Variants in SLC41A2 observed in about 807,000 individuals in gnomAD.
The protein encoded by SLC41A2 is SLC41A1-like 1.
In SLC41A2, 32 loss-of-function variants were observed where a neutral mutation model predicts 58.3. That is an observed-to-expected ratio of 0.55 (90% CI 0.41 to 0.74). The LOEUF is 0.74. SLC41A2 is among the 30% of genes least tolerant of loss of function. The probability of loss-of-function intolerance (pLI) is 0.00; values close to 1 mark genes in which losing one functional copy is unlikely to be tolerated. For synonymous variants in SLC41A2, 190 were observed against 235.0 expected, an observed-to-expected ratio of 0.81 and a Z score of 1.75; for missense variants, 514 against 680.6, an observed-to-expected ratio of 0.76 and a Z score of 2.72.
intron 8 of SLC41A2, among the ~76,000 whole-genome samples, chr12:104,855,133 A>G (rs909401230): frequency 6.6e-6 from 1 of 152,180 alleles, no homozygotes; most frequent in African/African-American, 2.4e-5. Context: ...TGTCATTCTA[A>G]TTCTTTTCTT....
intron 3 of SLC41A2, among the ~76,000 whole-genome samples, chr12:104,901,666 C>T (rs1163266904): frequency 3.9e-5 from 6 of 152,172 alleles, no homozygotes; most frequent in Non-Finnish European, 7.4e-5. Context: ...CCTCCTGCCT[C>T]AGCCTCCCAA....
intron 10 of SLC41A2, among the ~76,000 whole-genome samples, chr12:104,806,633 T>A (rs1308515439): frequency 3.3e-5 from 5 of 151,700 alleles, no homozygotes; most frequent in Non-Finnish European, 7.4e-5. Context: ...CCCTGAGGAA[T>A]CGCCACACTG....
chr12:104,915,565 CTGTT>C (rs1411179702), intron 2 of SLC41A2, among the ~76,000 whole-genome samples: 5 of 152,084 alleles, frequency 3.3e-5, no homozygotes, highest in Admixed American at 2.0e-4. Context: ...ATTTGGCTCT[CTGTT>C]TGTCTGTTAT....
chr12:104,827,641 TG>T (rs1301942880), intron 10 of SLC41A2, among the ~76,000 whole-genome samples: 1 of 151,712 alleles, frequency 6.6e-6, no homozygotes, highest in East Asian at 1.9e-4. Context: ...TTATAAAACT[TG>T]TTTTTTTTCT....
intron 8 of SLC41A2, among the ~76,000 whole-genome samples, chr12:104,853,911 ATTTTTTTT>A (rs1555202443): frequency 8.4e-5 from 5 of 59,492 alleles, no homozygotes; most frequent in African/African-American, 3.5e-4. Context: ...TGCCTGGCTG[ATTTTTTTT>A]TTTTTTTTTT....
intron 1 of SLC41A2, among the ~76,000 whole-genome samples, chr12:104,957,837 G>A (rs912919036): frequency 1.3e-5 from 2 of 152,214 alleles, no homozygotes; most frequent in Middle Eastern, 3.4e-3. Flanking sequence ...CCGCTTGTCC[G>A]CGGTGGCCGC....
intron 10 of SLC41A2, among the ~76,000 whole-genome samples, chr12:104,824,522 T>C (rs779779578): frequency 3.3e-5 from 5 of 152,158 alleles, no homozygotes; most frequent in Non-Finnish European, 7.4e-5. Context: ...AACCTTGCAC[T>C]CATTCTCTAA....
chr12:104,891,990 A>C (rs1329531490), intron 4 of SLC41A2, among the ~76,000 whole-genome samples: 1 of 152,158 alleles, frequency 6.6e-6, no homozygotes, highest in East Asian at 1.9e-4. Flanking sequence ...AAGACATGAA[A>C]GATCTCTATA....
chr12:104,887,036 G>A (rs1485862698), intron 5 of SLC41A2, among the ~76,000 whole-genome samples: 1 of 151,892 alleles, frequency 6.6e-6, no homozygotes, highest in Non-Finnish European at 1.5e-5. Flanking sequence ...ATAAACCTAC[G>A]AGAGAATAGA....
At chr12:104,955,352 C>A (rs1218600129) in intron 1 of SLC41A2, among the ~76,000 whole-genome samples, 2 of 151,800 alleles carry the variant, frequency 1.3e-5, no homozygotes, top group Non-Finnish European at 2.9e-5. Context: ...TACCTGATTA[C>A]CCTCACAACC....
At chr12:104,936,057 T>C (rs1416823574) in intron 1 of SLC41A2, among the ~76,000 whole-genome samples, 1 of 151,014 alleles carries the variant, frequency 6.6e-6, no homozygotes, top group Non-Finnish European at 1.5e-5. Flanking sequence ...AAAAAAAAAT[T>C]CCTGTTGCCT....
chr12:104,881,435 CT>C (rs2044366618), intron 6 of SLC41A2, among the ~76,000 whole-genome samples: 1 of 152,154 alleles, frequency 6.6e-6, no homozygotes, highest in African/African-American at 2.4e-5. Context: ...ATCTTTCCTG[CT>C]TTCTCCTGTG....
chr12:104,863,640 T>A (rs932670375), intron 7 of SLC41A2, among the ~76,000 whole-genome samples: 2 of 152,136 alleles, frequency 1.3e-5, no homozygotes, highest in Non-Finnish European at 2.9e-5. Context: ...AATGACTTCC[T>A]ACTATGGCAG....
At chr12:104,861,155 CTTGGGGT>C in intron 8 of SLC41A2, 129 bp downstream of exon 8, 1 of 518,196 alleles carries the variant, frequency 1.9e-6, no homozygotes, top group South Asian at 4.2e-5. Context: ...TGAGCAACAA[CTTGGGGT>C]TGGAGGCAGA....
chr12:104,859,655 T>C (rs1041691004), intron 8 of SLC41A2, among the ~76,000 whole-genome samples: 8 of 152,202 alleles, frequency 5.3e-5, no homozygotes, highest in Non-Finnish European at 7.3e-5. Flanking sequence ...AATTAAAATA[T>C]TCAGTAGAAA....
chr12:104,844,973 A>AC (rs59141139), intron 9 of SLC41A2, among the ~76,000 whole-genome samples: 94,875 of 151,750 alleles, frequency 0.63, 29,971 homozygotes, highest in African/African-American at 0.68. Context: ...AAGGGTAGCC[A>AC]TTCTGATCTT....
rs1354277256 is a variant in SLC41A2 at position 104,851,516 on chromosome 12, TG to T, written c.1256-5543del. 2.0e-5 allele frequency among the ~76,000 whole-genome samples: 3 copies of T among 152,116 alleles called. No individual in the cohort carries two copies. In the East Asian group the frequency reaches 5.8e-4, roughly 29 times the overall value. On this transcript the variant is annotated intron_variant, in intron 8 of 10. Coordinates refer to ENST00000258538, the MANE Select transcript of SLC41A2 (RefSeq NM_001352171.3). ...CTCCTGCCTTAGCCGCTTGCGTAGC[TG>T]GGACTACAGGTATGCATCACAATGC...
intron 2 of SLC41A2, among the ~76,000 whole-genome samples, chr12:104,925,341 G>A (rs2046788848): frequency 6.6e-6 from 1 of 151,910 alleles, no homozygotes; most frequent in Non-Finnish European, 1.5e-5. Flanking sequence ...GGCGGATCAC[G>A]AGGTCAGGAA....
At chr12:104,920,699 C>A (rs996913930) in intron 2 of SLC41A2, among the ~76,000 whole-genome samples, 1 of 151,806 alleles carries the variant, frequency 6.6e-6, no homozygotes, top group African/African-American at 2.4e-5. Context: ...CCGAGGCAGG[C>A]GGATCACAAG....
Sources: gnomAD v4.1 joint callset for allele counts (sites outside exome capture counted in the v4.1 genomes callset) on GRCh38, gnomAD v4.1.1 for gene constraint, MANE v1.5 for transcripts, NCBI Gene and HGNC (gene_info 2026-07-23, HGNC 2026-07-21) for gene names.